Variants in N4BP2 observed in about 807,000 individuals in gnomAD.
N4BP2 encodes the protein NEDD4 binding protein 2.
In N4BP2, 91 loss-of-function variants were observed where a neutral mutation model predicts 152.8. The observed-to-expected ratio is 0.60, with a 90% confidence interval of 0.50 to 0.71. N4BP2 has a LOEUF of 0.71. N4BP2 is among the 30% of genes least tolerant of loss of function. N4BP2 has a pLI of 0.00. For synonymous variants in N4BP2, 646 were observed against 705.3 expected, an observed-to-expected ratio of 0.92 and a Z score of 1.33; for missense variants, 1,923 against 2,059.1, an observed-to-expected ratio of 0.93 and a Z score of 1.28.
Position 40,102,994 on chromosome 4 carries a change from T to C in N4BP2, c.1149T>C (p.Val383=). ...GAAACCATGGCTTTGTAGCTCCTGT[T>C]GTAACCACAGCTGCACACTGGAGAT... ...FQGNHGFVAP[V]VTTAAHWRSV... Residue 383 remains valine (V), a synonymous_variant, in exon 4 of 18, where the codon GTT becomes GTC. Transcript: ENST00000261435. 1 of 1,614,208 alleles carries C rather than the reference T, an allele frequency of 6.2e-7. No homozygotes were observed. The highest frequency in any genetic ancestry group is 1.1e-5 in the South Asian group (1 of 91,086).
chr4:40,076,336 C>T (rs774527244), intron 2 of N4BP2, among the ~76,000 whole-genome samples: 1 of 151,904 alleles, frequency 6.6e-6, no homozygotes, highest in African/African-American at 2.4e-5. Context: ...ATTAGCCAGG[C>T]GTGGTGGTGC....
chr4:40,117,026 T>C (rs1016661915), intron 7 of N4BP2, among the ~76,000 whole-genome samples: 1 of 152,222 alleles, frequency 6.6e-6, no homozygotes, highest in African/African-American at 2.4e-5. Flanking sequence ...CTTTGGTGAA[T>C]GACAATTTCA....
At chr4:40,123,333 G>C in intron 10 of N4BP2, 121 bp downstream of exon 10, 1 of 592,714 alleles carries the variant, frequency 1.7e-6, no homozygotes, top group Non-Finnish European at 3.0e-6. Flanking sequence ...AGATGGAAGA[G>C]TTCTATTGAA....
At chr4:40,190,018 T>C in the N4BP2 span, among the ~76,000 whole-genome samples, 1 of 152,236 alleles carries the variant, frequency 6.6e-6, no homozygotes, top group African/African-American at 2.4e-5. Flanking sequence ...CGTCTTTCTA[T>C]GAAGGACTTT....
At chr4:40,096,613 T>C (rs1715126939) in intron 2 of N4BP2, among the ~76,000 whole-genome samples, 1 of 152,214 alleles carries the variant, frequency 6.6e-6, no homozygotes, top group African/African-American at 2.4e-5. Context: ...CTAAATAGAC[T>C]GAAGCGGCAA....
At chr4:40,125,399 G>A (rs16995565) in intron 11 of N4BP2, among the ~76,000 whole-genome samples, 6 of 152,168 alleles carry the variant, frequency 3.9e-5, no homozygotes, top group Non-Finnish European at 8.8e-5. Flanking sequence ...CCTTCACTGA[G>A]TTACAGGTTT....
intron 1 of N4BP2, among the ~76,000 whole-genome samples, chr4:40,073,110 G>A (rs1712375929): frequency 6.6e-6 from 1 of 152,138 alleles, no homozygotes; most frequent in African/African-American, 2.4e-5. Flanking sequence ...TTAAAAAATG[G>A]TAATTAGTTT....
intron 2 of N4BP2, among the ~76,000 whole-genome samples, chr4:40,090,500 A>G (rs1056783151): frequency 2.0e-5 from 3 of 152,234 alleles, no homozygotes; most frequent in Non-Finnish European, 4.4e-5. Context: ...CTCACATAAC[A>G]TCATCAATAG....
intron 4 of N4BP2, among the ~76,000 whole-genome samples, chr4:40,104,260 CTT>C (rs754438067): frequency 5.8e-5 from 8 of 137,382 alleles, no homozygotes; most frequent in Admixed American, 1.5e-4. Flanking sequence ...CTTGCTAGTT[CTT>C]TTTTTTTTTT....
chr4:40,127,177 C>A (rs2110007869), intron 12 of N4BP2, among the ~76,000 whole-genome samples: 1 of 152,118 alleles, frequency 6.6e-6, no homozygotes, highest in African/African-American at 2.4e-5. Flanking sequence ...GCATGAGCCA[C>A]TGTGCCTGAC....
the N4BP2 span, among the ~76,000 whole-genome samples, chr4:40,185,832 A>C: frequency 6.6e-6 from 1 of 152,218 alleles, no homozygotes; most frequent in Admixed American, 6.5e-5. Context: ...AATAATAATA[A>C]TAATGAGAAC....
chr4:40,178,655 C>T, the N4BP2 span, among the ~76,000 whole-genome samples: 6 of 152,200 alleles, frequency 3.9e-5, no homozygotes, highest in Non-Finnish European at 5.9e-5. Flanking sequence ...CTCTAGATAA[C>T]GAAATAAGTT....
chr4:40,164,114 G>C, the N4BP2 span, among the ~76,000 whole-genome samples: 5 of 152,206 alleles, frequency 3.3e-5, no homozygotes, highest in Admixed American at 1.3e-4. Context: ...TCACGATGCT[G>C]TATGTGTAAG....
At chr4:40,071,966 G>A (rs933566742) in intron 1 of N4BP2, among the ~76,000 whole-genome samples, 1 of 152,124 alleles carries the variant, frequency 6.6e-6, no homozygotes, top group African/African-American at 2.4e-5. Context: ...GGAGTGCAGT[G>A]GCACAATCTC....
chr4:40,144,481 A>T (rs1657228064), intron 15 of N4BP2, 151 bp from the exon 16 acceptor site: 1 of 512,484 alleles, frequency 2.0e-6, no homozygotes, highest in Admixed American at 4.0e-5. Context: ...ATTTTGGTGC[A>T]TTCTTATATA....
At chr4:40,177,274 G>A in the N4BP2 span, among the ~76,000 whole-genome samples, 1 of 152,248 alleles carries the variant, frequency 6.6e-6, no homozygotes, top group East Asian at 1.9e-4. Context: ...ACCATGCAGA[G>A]GGAAGGAAGG....
chr4:40,068,107 T>C (rs1257707764), intron 1 of N4BP2, among the ~76,000 whole-genome samples: 1 of 152,250 alleles, frequency 6.6e-6, no homozygotes, highest in Non-Finnish European at 1.5e-5. Context: ...GTTGGCCATG[T>C]GTATATCTTC....
chr4:40,188,243 C>G, the N4BP2 span, among the ~76,000 whole-genome samples: 1 of 152,024 alleles, frequency 6.6e-6, no homozygotes, highest in Non-Finnish European at 1.5e-5. Flanking sequence ...TCAAGGATAC[C>G]AAAGATATTG....
chr4:40,163,317 C>T, the N4BP2 span, among the ~76,000 whole-genome samples: 3 of 152,310 alleles, frequency 2.0e-5, no homozygotes, highest in East Asian at 5.8e-4. Context: ...TGTTGTCTTA[C>T]CCAACAGTTA....
Sources: gnomAD v4.1 joint callset for allele counts (sites outside exome capture counted in the v4.1 genomes callset) on GRCh38, gnomAD v4.1.1 for gene constraint, MANE v1.5 for transcripts, NCBI Gene and HGNC (gene_info 2026-07-23, HGNC 2026-07-21) for gene names.